Variants in DNAJC12 observed in about 807,000 individuals in gnomAD.
DNAJC12 encodes the protein DnaJ heat shock protein family (Hsp40) member C12.
DNAJC12 carries 25 observed loss-of-function variants against 28.5 expected under a neutral mutation model. The observed-to-expected ratio is 0.88, with a 90% CI of 0.64 to 1.22. The LOEUF (loss-of-function observed/expected upper bound fraction) is 1.22, where lower values mean the gene tolerates loss of function less well. DNAJC12 is among the 50% of genes most tolerant of loss of function. The pLI is 0.00. For synonymous variants in DNAJC12, 77 were observed against 80.6 expected, an observed-to-expected ratio of 0.95 and a Z score of 0.24; for missense variants, 222 against 231.7, an observed-to-expected ratio of 0.96 and a Z score of 0.27.
At chr10:67,812,592 C>A (rs1841871392) in intron 2 of DNAJC12, among the ~76,000 whole-genome samples, 2 of 151,790 alleles carry the variant, frequency 1.3e-5, no homozygotes, top group Admixed American at 6.6e-5. Flanking sequence ...GCCTGTAATC[C>A]CGGCACTTCG....
chr10:67,802,029 T>A (rs1489340809), intron 4 of DNAJC12, among the ~76,000 whole-genome samples: 1 of 151,618 alleles, frequency 6.6e-6, no homozygotes, highest in Non-Finnish European at 1.5e-5. Context: ...ACCTAGCTAA[T>A]GGTTTTTTAA....
chr10:67,798,401 C>T (rs1177721496), intron 4 of DNAJC12, among the ~76,000 whole-genome samples: 1 of 151,776 alleles, frequency 6.6e-6, no homozygotes, highest in East Asian at 1.9e-4. Context: ...AAAAGAAGGC[C>T]CAGCATGGTG....
chr10:67,810,156 A>G (rs1188245453), intron 3 of DNAJC12, among the ~76,000 whole-genome samples: 1 of 152,104 alleles, frequency 6.6e-6, no homozygotes, highest in Non-Finnish European at 1.5e-5. Context: ...TCATGGTGGC[A>G]GGAAAGAGAG....
intron 3 of DNAJC12, chr10:67,811,194 T>C (rs1446225077): frequency 4.0e-6 from 3 of 745,920 alleles, no homozygotes; most frequent in Non-Finnish European, 5.1e-6. Context: ...TTTACAATGG[T>C]TAAAACTCAG....
chr10:67,803,211 T>C (rs1039669000), intron 4 of DNAJC12, among the ~76,000 whole-genome samples: 1 of 152,104 alleles, frequency 6.6e-6, no homozygotes. Context: ...ATTATATAAC[T>C]AAGAAGACAT....
intron 2 of DNAJC12, among the ~76,000 whole-genome samples, chr10:67,817,922 G>C (rs903893070): frequency 6.6e-6 from 1 of 151,818 alleles, no homozygotes; most frequent in Non-Finnish European, 1.5e-5. Flanking sequence ...AAATAGTCTG[G>C]CCAGGCACAG....
chr10:67,818,215 T>C (rs553700549), intron 2 of DNAJC12, among the ~76,000 whole-genome samples: 11 of 152,180 alleles, frequency 7.2e-5, no homozygotes, highest in African/African-American at 2.6e-4. Context: ...CATATATATA[T>C]TTGAAATATT....
At chr10:67,814,032 T>C (rs1477414893) in intron 2 of DNAJC12, among the ~76,000 whole-genome samples, 1 of 111,290 alleles carries the variant, frequency 9.0e-6, no homozygotes, top group Non-Finnish European at 2.4e-5. Flanking sequence ...GGACCCAGAA[T>C]TGCCAAAAAA....
intron 3 of DNAJC12, chr10:67,810,786 T>G (rs1187002596): frequency 6.6e-6 from 1 of 152,216 alleles, no homozygotes; most frequent in Non-Finnish European, 1.5e-5. Flanking sequence ...AATCATTTTA[T>G]ACACTAATTC....
At chr10:67,819,274 A>T (rs1182058974) in intron 2 of DNAJC12, among the ~76,000 whole-genome samples, 3 of 152,032 alleles carry the variant, frequency 2.0e-5, no homozygotes, top group Non-Finnish European at 4.4e-5. Context: ...CGGAGCTTGC[A>T]GTGAACCAAG....
At chr10:67,833,463 C>G (rs573292333) in intron 1 of DNAJC12, among the ~76,000 whole-genome samples, 9 of 151,558 alleles carry the variant, frequency 5.9e-5, no homozygotes, top group African/African-American at 1.9e-4. Flanking sequence ...CTCTCTCTGT[C>G]TCTCTCAAAT....
At chr10:67,821,948 C>T (rs765354579) in intron 2 of DNAJC12, among the ~76,000 whole-genome samples, 3 of 152,148 alleles carry the variant, frequency 2.0e-5, no homozygotes, top group Admixed American at 1.3e-4. Flanking sequence ...GAAAAATAAG[C>T]GAGATTTCAG....
intron 2 of DNAJC12, among the ~76,000 whole-genome samples, chr10:67,814,893 G>A (rs925740814): frequency 6.6e-5 from 10 of 152,174 alleles, no homozygotes; most frequent in Admixed American, 1.3e-4. Flanking sequence ...TGTCACACAT[G>A]ACAGGTGGGA....
chr10:67,801,426 G>A lies in DNAJC12; in HGVS notation c.502+4157C>T, dbSNP rs191018880. On this transcript the variant is annotated intron_variant, in intron 4 of 4. Coordinates refer to ENST00000225171, the MANE Select transcript of DNAJC12 (RefSeq NM_021800.3). ...AGAAAAGCCAATAATCTTTTAAACA[G>A]CATAAAGAAAATACTTGTAAATGCA... is the stretch of plus-strand genomic sequence containing the variant. 1.6e-4 allele frequency among the ~76,000 whole-genome samples: 24 copies of A among 152,260 alleles called. No individual in the cohort carries two copies. The East Asian group carries it at 3.9e-3, about 24-fold the overall frequency.
chr10:67,803,496 C>T (rs918813766), intron 4 of DNAJC12, among the ~76,000 whole-genome samples: 3 of 152,212 alleles, frequency 2.0e-5, no homozygotes, highest in Non-Finnish European at 4.4e-5. Flanking sequence ...AATTTTTTAA[C>T]AGCAAGTCTA....
chr10:67,821,736 C>T (rs561176037), intron 2 of DNAJC12, among the ~76,000 whole-genome samples: 1 of 151,942 alleles, frequency 6.6e-6, no homozygotes, highest in Non-Finnish European at 1.5e-5. Context: ...TGTAGCAATC[C>T]AAGCATGAAA....
intron 2 of DNAJC12, 36 bp from the exon 3 acceptor site, chr10:67,811,699 C>A: frequency 1.9e-6 from 3 of 1,595,760 alleles, no homozygotes; most frequent in South Asian, 1.1e-5. Context: ...ACTTCTCTCT[C>A]GGAGAGGATA....
At chr10:67,808,056 CAGTT>C (rs959839856) in intron 3 of DNAJC12, among the ~76,000 whole-genome samples, 1 of 152,178 alleles carries the variant, frequency 6.6e-6, no homozygotes, top group Non-Finnish European at 1.5e-5. Flanking sequence ...TGCTGGGACA[CAGTT>C]AGATAGTCTG....
At chr10:67,800,941 TA>T (rs976104439) in intron 4 of DNAJC12, among the ~76,000 whole-genome samples, 217 of 141,858 alleles carry the variant, frequency 1.5e-3, no homozygotes, top group South Asian at 3.3e-3. Context: ...AGATTCTGTC[TA>T]AAAAAAAAAA....
Sources: allele counts gnomAD v4.1 joint callset (sites outside exome capture counted in the v4.1 genomes callset), GRCh38; gene constraint gnomAD v4.1.1; transcripts MANE v1.5; gene names NCBI Gene and HGNC (gene_info 2026-07-23, HGNC 2026-07-21).